The following ME3 variants were observed in gnomAD, a reference collection of about 807,000 sequenced individuals.
ME3 encodes malic enzyme 3.
A neutral mutation model predicts 68.9 loss-of-function variants in ME3; 48 were observed. The ratio of observed to expected loss-of-function variants is 0.70; its 90% CI spans 0.55 to 0.89. The LOEUF (loss-of-function observed/expected upper bound fraction) is 0.89, where lower values mean the gene tolerates loss of function less well. Ranked by LOEUF, ME3 falls within the 40% of genes least tolerant of loss-of-function variation. The pLI is 0.00. For synonymous variants in ME3, 320 were observed against 318.8 expected (o/e 1.00, Z -0.04); for missense variants, 675 against 797.4 (o/e 0.85, Z 1.85).
rs1462689919 is a variant in ME3, at chr11:86,525,111, C to T, written c.468-16244G>A. Among the ~76,000 whole-genome samples the T allele has an allele frequency of 1.3e-5, 2 of 152,156 alleles. 1 individual carries two copies. On this transcript the variant is annotated intron_variant, in intron 4 of 14. Coordinates refer to ENST00000543262, the Ensembl canonical transcript of ME3. ...GGAAGCTTCAGAGCAGACAGTCAGA[C>T]AGACTTAGACCCAAATTCTAGGTCA...
rs553283344 is a variant in ME3, at chr11:86,656,751, TA to T, written c.183+15010del. On this transcript the variant is annotated intron_variant, in intron 2 of 14. Coordinates refer to ENST00000543262, the Ensembl canonical transcript of ME3. ...TACCCTAAAACTTAAAGTATAATAA[TA>T]AAAAAAATTTACAAGAGAAAAGCAA... 8.3e-4 allele frequency among the ~76,000 whole-genome samples: 124 copies of T among 149,344 alleles called. 1 individual carries two copies. The highest frequency in any genetic ancestry group is 2.9e-3 in the African/African-American group (118 of 40,570).
intron 2 of ME3, among the ~76,000 whole-genome samples, chr11:86,663,445 A>G (rs934878378): frequency 6.6e-6 from 1 of 152,196 alleles, no homozygotes; most frequent in African/African-American, 2.4e-5. Flanking sequence ...CAACTGTAGG[A>G]TATCCATCAC....
intron 2 of ME3, among the ~76,000 whole-genome samples, chr11:86,582,483 C>G (rs886633489): frequency 6.6e-6 from 1 of 152,090 alleles, no homozygotes; most frequent in Non-Finnish European, 1.5e-5. Context: ...TGTACAAATG[C>G]TAATCCTTAA....
At chr11:86,520,782 T>C (rs1954215454) in intron 4 of ME3, among the ~76,000 whole-genome samples, 1 of 152,254 alleles carries the variant, frequency 6.6e-6, no homozygotes, top group Admixed American at 6.5e-5. Context: ...AGATGGTCTA[T>C]TCCTTTCTCT....
At chr11:86,471,252 C>T (rs1268997694) in intron 7 of ME3, among the ~76,000 whole-genome samples, 1 of 148,158 alleles carries the variant, frequency 6.7e-6, no homozygotes, top group Non-Finnish European at 1.5e-5. Flanking sequence ...TCTCCTGCCT[C>T]AGTCTCCCAA....
At chr11:86,541,025 A>G (rs1956013350) in intron 4 of ME3, among the ~76,000 whole-genome samples, 1 of 152,166 alleles carries the variant, frequency 6.6e-6, no homozygotes, top group African/African-American at 2.4e-5. Flanking sequence ...CTCACCCAAA[A>G]AGTGCAAGGG....
At chr11:86,606,991 G>C (rs1380745237) in intron 2 of ME3, among the ~76,000 whole-genome samples, 3 of 152,196 alleles carry the variant, frequency 2.0e-5, no homozygotes, top group Non-Finnish European at 4.4e-5. Context: ...GGAGGAGATA[G>C]AGTTACATTT....
chr11:86,501,356 T>C (rs1044856092), intron 5 of ME3, among the ~76,000 whole-genome samples: 2 of 152,196 alleles, frequency 1.3e-5, no homozygotes, highest in African/African-American at 4.8e-5. Context: ...TTTGAAATTA[T>C]TTCTGATCTC....
intron 2 of ME3, among the ~76,000 whole-genome samples, chr11:86,603,904 A>C (rs979239848): frequency 3.8e-5 from 5 of 130,252 alleles, no homozygotes; most frequent in Admixed American, 3.8e-4. Flanking sequence ...ATGAGAACAC[A>C]TGGACACAGG....
At chr11:86,556,470 C>G in intron 4 of ME3, 83 bp downstream of exon 4, 1 of 1,487,924 alleles carries the variant, frequency 6.7e-7, no homozygotes. Flanking sequence ...CCTCCAGAGT[C>G]CCAATATGCA....
rs187639997 is a variant in ME3 at position 86,574,842 on chromosome 11, C to G, written c.184-15019G>C. On this transcript the variant is annotated intron_variant, in intron 2 of 14. Coordinates refer to ENST00000543262, the Ensembl canonical transcript of ME3. ...TTTAAAGTCAAAAAACTCTGTAAAA[C>G]AGCTGCTGAAGAAGTTTTCTTTATA... Among the ~76,000 whole-genome samples, 51 of 152,332 alleles carry G rather than the reference C, an allele frequency of 3.3e-4. No homozygotes were observed. In the East Asian group the frequency reaches 9.4e-3, roughly 28 times the overall value.
chr11:86,550,140 C>G (rs779369090), intron 4 of ME3, among the ~76,000 whole-genome samples: 6 of 152,130 alleles, frequency 3.9e-5, no homozygotes, highest in Admixed American at 2.0e-4. Flanking sequence ...TCTCCAGACA[C>G]GTTTAGTGCA....
At chr11:86,481,208 ATTTTTTTTTT>A (rs71040240) in intron 7 of ME3, among the ~76,000 whole-genome samples, 2 of 105,900 alleles carry the variant, frequency 1.9e-5, no homozygotes, top group Non-Finnish European at 3.7e-5. Flanking sequence ...CACCCAGCTG[ATTTTTTTTTT>A]TTTTTTTTTT....
At chr11:86,602,309 AACAG>A (rs1309508261) in intron 2 of ME3, among the ~76,000 whole-genome samples, 9 of 147,360 alleles carry the variant, frequency 6.1e-5, no homozygotes, top group Middle Eastern at 3.5e-3. Flanking sequence ...ATACACCAAT[AACAG>A]ACAAACAGAG....
At chr11:86,566,123 G>C (rs1437901668) in intron 2 of ME3, among the ~76,000 whole-genome samples, 2 of 152,188 alleles carry the variant, frequency 1.3e-5, no homozygotes, top group Admixed American at 6.5e-5. Flanking sequence ...ACTGACAATA[G>C]TGATCCCCTG....
At chr11:86,659,213 A>C (rs1225967197) in intron 2 of ME3, among the ~76,000 whole-genome samples, 1 of 152,248 alleles carries the variant, frequency 6.6e-6, no homozygotes, top group Non-Finnish European at 1.5e-5. Flanking sequence ...GGTTTGCAAC[A>C]TACGTTGTTT....
intron 8 of ME3, among the ~76,000 whole-genome samples, chr11:86,458,882 C>A (rs1297978843): frequency 1.3e-5 from 2 of 152,190 alleles, no homozygotes; most frequent in African/African-American, 4.8e-5. Context: ...ATTGTGGCAT[C>A]TGAAGCCTGT....
At chr11:86,512,008 T>G (rs1021225717) in intron 4 of ME3, among the ~76,000 whole-genome samples, 8 of 152,126 alleles carry the variant, frequency 5.3e-5, no homozygotes, top group Admixed American at 2.0e-4. Context: ...CCTAGCCTCC[T>G]GCCCACCAAA....
At chr11:86,665,184 C>G (rs1457616775) in intron 2 of ME3, among the ~76,000 whole-genome samples, 1 of 152,118 alleles carries the variant, frequency 6.6e-6, no homozygotes, top group African/African-American at 2.4e-5. Context: ...AGACAAAGTC[C>G]CTGCCTAAGT....
Sources: allele counts gnomAD v4.1 joint callset (sites outside exome capture counted in the v4.1 genomes callset), GRCh38; gene constraint gnomAD v4.1.1; transcripts MANE v1.5; gene names NCBI Gene and HGNC (gene_info 2026-07-23, HGNC 2026-07-21).